The following LINGO2 variants were observed in gnomAD, a reference collection of about 807,000 sequenced individuals.
LINGO2 encodes leucine-rich repeat and immunoglobulin-like domain-containing nogo receptor-interacting protein 2.
LINGO2 carries 14 observed loss-of-function variants against 30.6 expected under a neutral mutation model. The observed-to-expected ratio is 0.46, with a 90% CI of 0.30 to 0.72. The LOEUF (loss-of-function observed/expected upper bound fraction) is 0.72. Ranked by LOEUF, LINGO2 falls within the 30% of genes least tolerant of loss-of-function variation. The pLI is 0.07. For missense variants in LINGO2, 729 were observed against 751.7 expected (o/e 0.97, Z 0.35); for synonymous variants, 317 against 288.5 (o/e 1.10, Z -1.00).
the LINGO2 span, among the ~76,000 whole-genome samples, chr9:28,690,011 A>G: frequency 6.6e-6 from 1 of 152,148 alleles, no homozygotes; most frequent in Non-Finnish European, 1.5e-5. Flanking sequence ...TATAAGTGGG[A>G]GCTGAATGAT....
intron 4 of LINGO2, among the ~76,000 whole-genome samples, chr9:28,102,830 AT>A (rs1176940001): frequency 6.6e-6 from 1 of 152,162 alleles, no homozygotes; most frequent in African/African-American, 2.4e-5. Flanking sequence ...TGTGGGAGAA[AT>A]TAAGTGGACA....
At chr9:28,101,700 G>T (rs1826421151) in intron 4 of LINGO2, among the ~76,000 whole-genome samples, 1 of 152,168 alleles carries the variant, frequency 6.6e-6, no homozygotes, top group South Asian at 2.1e-4. Context: ...TATTGCAACA[G>T]AAGTTTGTCT....
At chr9:28,246,175 C>T (rs1388841338) in intron 4 of LINGO2, among the ~76,000 whole-genome samples, 1 of 152,034 alleles carries the variant, frequency 6.6e-6, no homozygotes, top group African/African-American at 2.4e-5. Context: ...CCTGTAATCC[C>T]AGCACTTTAG....
intron 5 of LINGO2, among the ~76,000 whole-genome samples, chr9:27,982,446 CAGAT>C (rs1332743000): frequency 6.6e-6 from 1 of 151,788 alleles, no homozygotes; most frequent in Non-Finnish European, 1.5e-5. Flanking sequence ...CATGTGCATA[CAGAT>C]AAACACACAG....
intron 5 of LINGO2, among the ~76,000 whole-genome samples, chr9:27,970,770 A>G (rs570546439): frequency 6.6e-6 from 1 of 152,058 alleles, no homozygotes; most frequent in African/African-American, 2.4e-5. Context: ...ATGATTAAAA[A>G]CTTGGAACTA....
the LINGO2 span, among the ~76,000 whole-genome samples, chr9:28,763,811 CAAAT>C: frequency 6.6e-6 from 1 of 151,056 alleles, no homozygotes; most frequent in Non-Finnish European, 1.5e-5. Context: ...AGAGAGGATA[CAAAT>C]AAATAAAATC....
chr9:27,950,759 A>C, intron 5 of LINGO2, 53 bp from the exon 7 acceptor site: 1 of 1,063,798 alleles, frequency 9.4e-7, no homozygotes, highest in East Asian at 2.6e-5. Context: ...TAGGATATAA[A>C]TAGGTGAAGG....
At chr9:28,009,111 G>A (rs1016706234) in intron 5 of LINGO2, among the ~76,000 whole-genome samples, 3 of 148,290 alleles carry the variant, frequency 2.0e-5, no homozygotes, top group African/African-American at 7.5e-5. Context: ...TAAATTTGTT[G>A]TTTTTTTGAC....
chr9:28,288,631 G>T (rs554862812), intron 4 of LINGO2, among the ~76,000 whole-genome samples: 1 of 152,238 alleles, frequency 6.6e-6, no homozygotes, highest in East Asian at 1.9e-4. Context: ...CTGGCTACAT[G>T]CTGTTTTACA....
chr9:28,891,502 A>G, the LINGO2 span, among the ~76,000 whole-genome samples: 7 of 151,922 alleles, frequency 4.6e-5, no homozygotes, highest in African/African-American at 1.7e-4. Flanking sequence ...AGTATTAGTC[A>G]TATTAACACC....
chr9:28,263,596 A>T (rs1334503288), intron 4 of LINGO2, among the ~76,000 whole-genome samples: 1 of 151,954 alleles, frequency 6.6e-6, no homozygotes, highest in African/African-American at 2.4e-5. Flanking sequence ...TTAAAATCTC[A>T]TTTATTTCTC....
the LINGO2 span, among the ~76,000 whole-genome samples, chr9:29,041,938 T>C: frequency 3.3e-5 from 5 of 152,124 alleles, no homozygotes; most frequent in South Asian, 8.3e-4. Flanking sequence ...TAAAGAACTT[T>C]AGATACTCAG....
At chr9:28,567,024 T>C (rs1247942302) in intron 1 of LINGO2, among the ~76,000 whole-genome samples, 3 of 152,192 alleles carry the variant, frequency 2.0e-5, no homozygotes, top group Admixed American at 6.5e-5. Flanking sequence ...TCCTTATTGA[T>C]ATTTATCCAT....
intron 4 of LINGO2, among the ~76,000 whole-genome samples, chr9:28,218,449 A>G (rs1355430918): frequency 6.6e-6 from 1 of 151,994 alleles, no homozygotes; most frequent in African/African-American, 2.4e-5. Flanking sequence ...AGTTCTGTCC[A>G]CATCACCAAA....
chr9:28,200,898 A>G (rs1412475998), intron 4 of LINGO2, among the ~76,000 whole-genome samples: 1 of 152,188 alleles, frequency 6.6e-6, no homozygotes, highest in African/African-American at 2.4e-5. Flanking sequence ...AGGTGAATCT[A>G]CAAAGAAAAG....
At chr9:28,957,396 C>A in the LINGO2 span, among the ~76,000 whole-genome samples, 1 of 152,156 alleles carries the variant, frequency 6.6e-6, no homozygotes, top group Non-Finnish European at 1.5e-5. Context: ...GAGTCTTTAC[C>A]TTGAAGGAGA....
chr9:28,903,948 C>T, the LINGO2 span, among the ~76,000 whole-genome samples: 1 of 151,932 alleles, frequency 6.6e-6, no homozygotes, highest in Non-Finnish European at 1.5e-5. Flanking sequence ...AACATAGATG[C>T]AAAAATCCTC....
the LINGO2 span, among the ~76,000 whole-genome samples, chr9:28,995,539 T>A: frequency 6.6e-6 from 1 of 152,208 alleles, no homozygotes; most frequent in South Asian, 2.1e-4. Flanking sequence ...CAAAGGACTA[T>A]AAATCATGCT....
chr9:28,501,116 T>C (rs1271340954), intron 1 of LINGO2, among the ~76,000 whole-genome samples: 4 of 152,196 alleles, frequency 2.6e-5, no homozygotes, highest in African/African-American at 7.2e-5. Flanking sequence ...GATTTCTATA[T>C]CAAGAAATAT....
Sources: gnomAD v4.1 joint callset for allele counts (sites outside exome capture counted in the v4.1 genomes callset) on GRCh38, gnomAD v4.1.1 for gene constraint, MANE v1.5 for transcripts, NCBI Gene and HGNC (gene_info 2026-07-23, HGNC 2026-07-21) for gene names.